KCNB2: variants seen among roughly 807,000 people sequenced by gnomAD.
KCNB2 encodes potassium voltage-gated channel subfamily B member 2, also known as delayed rectifier potassium channel protein.
A neutral mutation model predicts 61.5 loss-of-function variants in KCNB2; 15 were observed. The observed-to-expected ratio is 0.24, with a 90% CI of 0.16 to 0.38. The LOEUF (loss-of-function observed/expected upper bound fraction) is 0.38. Ranked by LOEUF, KCNB2 falls within the 10% of genes least tolerant of loss-of-function variation. KCNB2 has a pLI of 1.00. For synonymous variants in KCNB2, 457 were observed against 446.0 expected (o/e 1.02, Z -0.31); for missense variants, 828 against 1,125.2 (o/e 0.74, Z 3.78).
chr8:72,831,587 C>A (rs1306461548), intron 2 of KCNB2, among the ~76,000 whole-genome samples: 2 of 152,170 alleles, frequency 1.3e-5, no homozygotes, highest in Non-Finnish European at 2.9e-5. Flanking sequence ...ATTTATGAGG[C>A]CTTTGCCTAT....
intron 2 of KCNB2, among the ~76,000 whole-genome samples, chr8:72,874,502 G>T (rs1044813602): frequency 1.3e-5 from 2 of 152,156 alleles, no homozygotes; most frequent in South Asian, 2.1e-4. Context: ...GACAAGCAGG[G>T]CAAGCTTTGG....
Position 72,618,795 on chromosome 8 carries a change from A to G in KCNB2, c.579+50482A>G, listed in dbSNP as rs539132657. The G allele has an allele frequency of 2.3e-5, 5 of 221,226 alleles. No individual in the cohort carries two copies. In the East Asian group the frequency reaches 5.3e-4, roughly 23 times the overall value. 13.7% of individuals were successfully genotyped at this position (221,226 alleles called of 1,614,324 possible). On this transcript the variant is annotated intron_variant, in intron 2 of 2. Transcript: ENST00000523207. Reference sequence around the variant, plus strand: ...ACCTAATTCTCTCTTTGCTTCTTCAATTTTCACTTGAGCAAGAGATGGATT... The same window carrying G: ...ACCTAATTCTCTCTTTGCTTCTTCAGTTTTCACTTGAGCAAGAGATGGATT...
chr8:72,661,970 A>G (rs938516554), intron 2 of KCNB2, among the ~76,000 whole-genome samples: 1 of 152,204 alleles, frequency 6.6e-6, no homozygotes, highest in Non-Finnish European at 1.5e-5. Context: ...TCTGGCTTCC[A>G]TTAAAGTTGA....
intron 2 of KCNB2, among the ~76,000 whole-genome samples, chr8:72,852,035 G>A (rs1810125457): frequency 6.6e-6 from 1 of 151,516 alleles, no homozygotes; most frequent in Admixed American, 6.6e-5. Flanking sequence ...AGGAATTCAG[G>A]ACCAGCCTGG....
chr8:72,621,124 A>G (rs1331574068), intron 2 of KCNB2, among the ~76,000 whole-genome samples: 1 of 152,218 alleles, frequency 6.6e-6, no homozygotes, highest in East Asian at 1.9e-4. Flanking sequence ...TAAGATCACA[A>G]GTTTATGGGA....
chr8:72,932,622 TG>T, intron 2 of KCNB2, among the ~76,000 whole-genome samples: 1 of 152,210 alleles, frequency 6.6e-6, no homozygotes, highest in East Asian at 1.9e-4. Flanking sequence ...GGTGGGCTTT[TG>T]TTGCAGTCCA....
intron 2 of KCNB2, among the ~76,000 whole-genome samples, chr8:72,933,784 C>T (rs929906720): frequency 6.6e-6 from 1 of 152,172 alleles, no homozygotes; most frequent in African/African-American, 2.4e-5. Flanking sequence ...TAAATCTTCT[C>T]AAGGGAGTTT....
chr8:72,685,984 T>TG (rs1806844995), intron 2 of KCNB2, among the ~76,000 whole-genome samples: 1 of 152,072 alleles, frequency 6.6e-6, no homozygotes, highest in Non-Finnish European at 1.5e-5. Context: ...AGTGAAACTC[T>TG]GTCTCAAAAA....
chr8:72,775,633 A>G (rs1018341313), intron 2 of KCNB2, among the ~76,000 whole-genome samples: 2 of 152,118 alleles, frequency 1.3e-5, no homozygotes, highest in African/African-American at 4.8e-5. Context: ...GCCTTGGAGC[A>G]ACAGCAGAGA....
At position 72,937,096 on chromosome 8, in the gene KCNB2, T is replaced by A. The variant is rs762789729; in HGVS notation, c.1741T>A (p.Cys581Ser). The A allele has an allele frequency of 1.2e-6, 2 of 1,614,112 alleles. No homozygotes were observed. Among genetic ancestry groups the A allele is most frequent in the Admixed American group, 3.3e-5 (2 of 60,026 alleles). Residue 581 changes from cysteine to serine, a missense_variant, in exon 3 of 3, where the codon TGT becomes AGT. Physicochemically the swap from Cys to Ser is moderately radical, Grantham distance 112 (BLOSUM62 -1). Around this residue, in one of 4 missense-constraint regions of KCNB2, gnomAD observed 559 missense variants for 588.4 expected, o/e 0.95. Transcript: ENST00000523207. ...EEEIEMEEVV[C>S]PQEQLAVAQT... ...AGAGATTGAAATGGAAGAAGTGGTG[T>A]GTCCACAGGAGCAGCTGGCCGTGGC...
At chr8:72,725,539 A>ATATATG (rs1554587031) in intron 2 of KCNB2, among the ~76,000 whole-genome samples, 1 of 38,438 alleles carries the variant, frequency 2.6e-5, no homozygotes, top group East Asian at 4.0e-4. Flanking sequence ...ATATATATAT[A>ATATATG]TGTGTGTATA....
chr8:72,873,037 G>A (rs1292360174), intron 2 of KCNB2, among the ~76,000 whole-genome samples: 1 of 152,136 alleles, frequency 6.6e-6, no homozygotes, highest in Non-Finnish European at 1.5e-5. Flanking sequence ...TCCACTGTGT[G>A]CACCGATGCA....
At chr8:72,821,659 A>AAAAAAAAAAAAAAC (rs1554535735) in intron 2 of KCNB2, among the ~76,000 whole-genome samples, 11 of 117,070 alleles carry the variant, frequency 9.4e-5, no homozygotes, top group Admixed American at 3.0e-4. Context: ...AAAAAAAAAA[A>AAAAAAAAAAAAAAC]ACACACACAC....
chr8:72,580,947 G>A (rs1167468033), intron 2 of KCNB2, among the ~76,000 whole-genome samples: 2 of 152,058 alleles, frequency 1.3e-5, no homozygotes, highest in Admixed American at 6.6e-5. Flanking sequence ...CACTGCCTGC[G>A]ATCTAGTCCA....
chr8:72,802,158 A>T (rs1809144267), intron 2 of KCNB2, among the ~76,000 whole-genome samples: 1 of 152,202 alleles, frequency 6.6e-6, no homozygotes, highest in Non-Finnish European at 1.5e-5. Context: ...GGTATTAAAC[A>T]GCTGTTACGT....
At chr8:72,674,912 G>T (rs1028962631) in intron 2 of KCNB2, among the ~76,000 whole-genome samples, 3 of 152,040 alleles carry the variant, frequency 2.0e-5, no homozygotes, top group Admixed American at 1.3e-4. Flanking sequence ...AAAAAATAAA[G>T]ATTTTTTTCT....
chr8:72,584,648 C>CTATG (rs931425973), intron 2 of KCNB2, among the ~76,000 whole-genome samples: 23 of 152,228 alleles, frequency 1.5e-4, no homozygotes, highest in African/African-American at 5.1e-4. Flanking sequence ...GGAACATGGA[C>CTATG]TATGTATCAG....
intron 2 of KCNB2, among the ~76,000 whole-genome samples, chr8:72,849,932 T>C (rs1399774341): frequency 1.3e-5 from 2 of 152,156 alleles, no homozygotes; most frequent in Non-Finnish European, 2.9e-5. Flanking sequence ...GGGTCAGTTA[T>C]CTACAACACC....
rs566995446 is a variant in KCNB2 at position 72,542,129 on chromosome 8, T to G, written c.-94+4244T>G. Among the ~76,000 whole-genome samples, 5 of 152,244 alleles carry G rather than the reference T, an allele frequency of 3.3e-5. No homozygotes were observed. In the South Asian group the frequency reaches 8.3e-4, roughly 25 times the overall value. On this transcript the variant is annotated intron_variant, in intron 1 of 2. Transcript: ENST00000523207. ...AATTGAGATTTTCATCAAGAAAAGT[T>G]TATATATTTGAAGAAAAGTTTTTTC...
Sources: gnomAD v4.1 joint callset for allele counts (sites outside exome capture counted in the v4.1 genomes callset) on GRCh38, gnomAD v4.1.1 for gene constraint, gnomAD v4.1.1 regional missense constraint, MANE v1.5 for transcripts, NCBI Gene and HGNC (gene_info 2026-07-23, HGNC 2026-07-21) for gene names.